MACROD2: variants seen among roughly 807,000 people sequenced by gnomAD.
MACROD2 encodes the protein mono-ADP ribosylhydrolase 2, also known as ADP-ribose glycohydrolase MACROD2.
A neutral mutation model predicts 70.4 loss-of-function variants in MACROD2; 36 were observed. The ratio of observed to expected loss-of-function variants is 0.51; its 90% CI spans 0.39 to 0.68. The LOEUF (loss-of-function observed/expected upper bound fraction) is 0.68. MACROD2 is among the 30% of genes least tolerant of loss of function. The pLI is 0.00. For synonymous variants in MACROD2, 172 were observed against 178.8 expected, an observed-to-expected ratio of 0.96 and a Z score of 0.30; for missense variants, 496 against 538.4, an observed-to-expected ratio of 0.92 and a Z score of 0.78.
chr20:15,827,699 T>A (rs1015166145), intron 8 of MACROD2, among the ~76,000 whole-genome samples: 3 of 152,206 alleles, frequency 2.0e-5, no homozygotes, highest in African/African-American at 7.2e-5. Context: ...ATCTAGAAAG[T>A]TATCAGCATG....
chr20:15,448,377 G>C (rs1164955273), intron 7 of MACROD2, among the ~76,000 whole-genome samples: 1 of 152,098 alleles, frequency 6.6e-6, no homozygotes, highest in East Asian at 1.9e-4. Context: ...GCTTGCCCTG[G>C]CGTCCCTGAG....
At chr20:14,673,261 A>C (rs142435456) in intron 4 of MACROD2, among the ~76,000 whole-genome samples, 1,646 of 152,302 alleles carry the variant, frequency 0.011, 20 homozygotes, top group Middle Eastern at 0.017. Context: ...GTCAGGACTC[A>C]TGGTTTCATG....
chr20:14,534,869 G>T (rs944400152), intron 4 of MACROD2, among the ~76,000 whole-genome samples: 2 of 151,436 alleles, frequency 1.3e-5, no homozygotes, highest in African/African-American at 4.9e-5. Flanking sequence ...TGGGGAGTAG[G>T]GGAAGGATAG....
At chr20:16,029,945 G>C (rs1319793017) in intron 15 of MACROD2, among the ~76,000 whole-genome samples, 1 of 152,202 alleles carries the variant, frequency 6.6e-6, no homozygotes, top group Non-Finnish European at 1.5e-5. Context: ...ACAAGAACCA[G>C]GGAAGGAGGT....
At chr20:14,014,868 A>G (rs182908479) in intron 2 of MACROD2, among the ~76,000 whole-genome samples, 5 of 151,888 alleles carry the variant, frequency 3.3e-5, no homozygotes, top group African/African-American at 9.7e-5. Flanking sequence ...TGGTGCAATC[A>G]TGGCTCACTG....
chr20:14,206,362 C>A (rs2081522968), intron 3 of MACROD2, among the ~76,000 whole-genome samples: 1 of 152,122 alleles, frequency 6.6e-6, no homozygotes, highest in South Asian at 2.1e-4. Flanking sequence ...ATCTTTTAAC[C>A]AACCCATCAG....
chr20:14,107,567 G>C (rs1036978567), intron 3 of MACROD2, among the ~76,000 whole-genome samples: 1 of 151,958 alleles, frequency 6.6e-6, no homozygotes, highest in African/African-American at 2.4e-5. Flanking sequence ...TAACAAAAAA[G>C]ACTACCTCAA....
chr20:14,710,826 A>C (rs1224885499), intron 5 of MACROD2, among the ~76,000 whole-genome samples: 5 of 152,150 alleles, frequency 3.3e-5, no homozygotes, highest in Non-Finnish European at 5.9e-5. Context: ...ATGCAACTGC[A>C]CTGGGTCAGT....
intron 6 of MACROD2, among the ~76,000 whole-genome samples, chr20:15,353,598 T>C (rs2078252668): frequency 6.6e-6 from 1 of 151,984 alleles, no homozygotes; most frequent in South Asian, 2.1e-4. Flanking sequence ...TTTTGCAATC[T>C]ACTCATCTGA....
At position 14,673,865 on chromosome 20, in the gene MACROD2, A is replaced by G. The variant is rs187145391; in HGVS notation, c.302-10978A>G. ...AACCTGGGAGGTGGAGGTTGCAGTG[A>G]GCCAAGATCGTGCCACTGCACTCCA... On this transcript the variant is annotated intron_variant, in intron 4 of 17. Transcript: ENST00000684519. Among the ~76,000 whole-genome samples, 451 of 150,070 alleles carry G rather than the reference A, an allele frequency of 3.0e-3. 2 individuals carry two copies. The highest frequency in any genetic ancestry group is 4.9e-3 in the Non-Finnish European group (329 of 67,678).
At chr20:14,800,035 A>C (rs908505374) in intron 5 of MACROD2, among the ~76,000 whole-genome samples, 2 of 152,064 alleles carry the variant, frequency 1.3e-5, no homozygotes, top group Non-Finnish European at 2.9e-5. Context: ...AGTCAAGCTG[A>C]CAGTTCAGAC....
intron 3 of MACROD2, among the ~76,000 whole-genome samples, chr20:14,386,736 C>T (rs2083471952): frequency 1.3e-5 from 2 of 152,174 alleles, no homozygotes; most frequent in African/African-American, 4.8e-5. Flanking sequence ...TCCTGAACAG[C>T]CTGCAGACAC....
intron 8 of MACROD2, among the ~76,000 whole-genome samples, chr20:15,793,111 TA>T (rs915487587): frequency 1.5e-5 from 2 of 134,162 alleles, no homozygotes; most frequent in South Asian, 4.6e-4. Context: ...TCATTTTGTA[TA>T]AAAAAAGACT....
In MACROD2 at chr20:14,503,046, G is replaced by A. The variant is rs888032189; in HGVS notation, c.301+9538G>A. On this transcript the variant is annotated intron_variant, in intron 4 of 17. Coordinates refer to ENST00000684519, the MANE Select transcript of MACROD2 (RefSeq NM_001351661.2). Reference sequence around the variant, plus strand: ...TAATGTAGTCTTCAGGACAGGACACGTGATGAGGCCATCTCTTAAGGTATG... The same window carrying A: ...TAATGTAGTCTTCAGGACAGGACACATGATGAGGCCATCTCTTAAGGTATG... Among the ~76,000 whole-genome samples, 6 of 152,132 alleles carry A rather than the reference G, an allele frequency of 3.9e-5. 1 individual carries two copies. Among genetic ancestry groups the A allele is most frequent in the Admixed American group, 6.5e-5 (1 of 15,274 alleles).
Position 14,703,795 on chromosome 20 carries a change from C to T in MACROD2, c.418+18836C>T, listed in dbSNP as rs1205497073. Among the ~76,000 whole-genome samples, 4 of 152,084 alleles carry T rather than the reference C, an allele frequency of 2.6e-5. No homozygotes were observed. In the East Asian group the frequency reaches 5.8e-4, roughly 22 times the overall value. On this transcript the variant is annotated intron_variant, in intron 5 of 17. Coordinates refer to ENST00000684519, the MANE Select transcript of MACROD2 (RefSeq NM_001351661.2). ...AGGCTGGAGTGCAATGGCATGATCT[C>T]GGCTCACTGCAACCTCTGCTTCCCA...
intron 4 of MACROD2, among the ~76,000 whole-genome samples, chr20:14,668,115 C>T (rs2070756380): frequency 6.6e-6 from 1 of 151,724 alleles, no homozygotes; most frequent in East Asian, 1.9e-4. Context: ...GATTGCACCA[C>T]TACACTTTAG....
At chr20:15,012,277 T>A (rs1230753491) in intron 5 of MACROD2, among the ~76,000 whole-genome samples, 1 of 152,138 alleles carries the variant, frequency 6.6e-6, no homozygotes, top group African/African-American at 2.4e-5. Context: ...CACTGAAGTT[T>A]TGCATCAAAT....
chr20:15,898,181 G>T (rs1019769447), intron 10 of MACROD2, among the ~76,000 whole-genome samples: 2 of 152,016 alleles, frequency 1.3e-5, no homozygotes, highest in African/African-American at 4.8e-5. Flanking sequence ...CCTAGCATGG[G>T]CCCCTCCATG....
At chr20:15,865,594 C>T (rs987163081) in intron 9 of MACROD2, among the ~76,000 whole-genome samples, 1 of 152,110 alleles carries the variant, frequency 6.6e-6, no homozygotes, top group African/African-American at 2.4e-5. Flanking sequence ...GAATGGCCAT[C>T]AGCCAGGATA....
Sources: allele counts gnomAD v4.1 joint callset (sites outside exome capture counted in the v4.1 genomes callset), GRCh38; gene constraint gnomAD v4.1.1; transcripts MANE v1.5; gene names NCBI Gene and HGNC (gene_info 2026-07-23, HGNC 2026-07-21).